The following ENTREP2 variants were observed in gnomAD, a reference collection of about 807,000 sequenced individuals.
ENTREP2 encodes the protein protein ENTREP2.
At chr15:29,303,521 TA>T in the ENTREP2 span, among the ~76,000 whole-genome samples, 6 of 152,234 alleles carry the variant, frequency 3.9e-5, no homozygotes, top group East Asian at 1.2e-3. Context: ...TTTTTAGGTT[TA>T]GGGGTACACT....
chr15:29,667,125 C>T, the ENTREP2 span, among the ~76,000 whole-genome samples: 1 of 152,134 alleles, frequency 6.6e-6, no homozygotes, highest in South Asian at 2.1e-4. Context: ...GACCCTATTT[C>T]CAAATAAAGT....
the ENTREP2 span, among the ~76,000 whole-genome samples, chr15:29,410,540 G>A: frequency 2.0e-5 from 3 of 151,976 alleles, no homozygotes; most frequent in Admixed American, 1.3e-4. Context: ...ACGATCACCC[G>A]CCGTAGCCAA....
At chr15:29,665,162 C>CTCAT in the ENTREP2 span, among the ~76,000 whole-genome samples, 1 of 152,228 alleles carries the variant, frequency 6.6e-6, no homozygotes, top group South Asian at 2.1e-4. Context: ...AGTGCCCCAT[C>CTCAT]TCATGCCCTC....
At chr15:29,660,735 G>A in the ENTREP2 span, among the ~76,000 whole-genome samples, 6 of 152,164 alleles carry the variant, frequency 3.9e-5, no homozygotes, top group Non-Finnish European at 8.8e-5. Context: ...TGTTATCATT[G>A]GCAATTAGAA....
At chr15:29,673,848 G>T in the ENTREP2 span, among the ~76,000 whole-genome samples, 5 of 152,182 alleles carry the variant, frequency 3.3e-5, no homozygotes, top group Non-Finnish European at 7.3e-5. Context: ...AGTTAGGTGA[G>T]ATCTCTTTCA....
chr15:29,267,408 T>TA, the ENTREP2 span: 1 of 152,314 alleles, frequency 6.6e-6, no homozygotes. Context: ...TGCATAAAAC[T>TA]ATTATATAGC....
the ENTREP2 span, among the ~76,000 whole-genome samples, chr15:29,542,556 G>A: frequency 2.0e-5 from 3 of 151,732 alleles, no homozygotes; most frequent in Non-Finnish European, 2.9e-5. Flanking sequence ...CGCCCACCTC[G>A]GCCTCCCAAA....
At chr15:29,151,752 G>A in the ENTREP2 span, 1 of 1,551,754 alleles carries the variant, frequency 6.4e-7, no homozygotes, top group Non-Finnish European at 8.7e-7. Context: ...GGACATCGGA[G>A]GAGACCATCT....
chr15:29,349,390 T>C, the ENTREP2 span, among the ~76,000 whole-genome samples: 1 of 152,212 alleles, frequency 6.6e-6, no homozygotes, highest in African/African-American at 2.4e-5. Flanking sequence ...CTATATTGCA[T>C]ACAAATTGGC....
the ENTREP2 span, among the ~76,000 whole-genome samples, chr15:29,356,288 ATATATATATTTTTTTTTTT>A: frequency 1.9e-5 from 1 of 52,060 alleles, no homozygotes; most frequent in Non-Finnish European, 3.6e-5. Flanking sequence ...ATATATATAT[ATATATATATTTTTTTTTTT>A]TTTTTTTTTT....
At chr15:29,608,493 C>T in the ENTREP2 span, among the ~76,000 whole-genome samples, 132 of 149,034 alleles carry the variant, frequency 8.9e-4, no homozygotes, top group Non-Finnish European at 1.6e-3. Flanking sequence ...CTCGACTGCT[C>T]CTGCCTCCTC....
chr15:29,457,133 G>A, the ENTREP2 span, among the ~76,000 whole-genome samples: 1 of 152,172 alleles, frequency 6.6e-6, no homozygotes, highest in Non-Finnish European at 1.5e-5. Context: ...TTCTCAAAAA[G>A]GAGCACGACT....
At chr15:29,456,056 G>A in the ENTREP2 span, among the ~76,000 whole-genome samples, 2 of 152,108 alleles carry the variant, frequency 1.3e-5, no homozygotes, top group African/African-American at 2.4e-5. Flanking sequence ...GAAATAAAGT[G>A]TACAATAAAC....
the ENTREP2 span, among the ~76,000 whole-genome samples, chr15:29,654,310 A>C: frequency 2.0e-5 from 3 of 152,224 alleles, no homozygotes; most frequent in African/African-American, 7.2e-5. Flanking sequence ...CTGGAAACTA[A>C]AATTTGGACC....
the ENTREP2 span, among the ~76,000 whole-genome samples, chr15:29,276,887 TGAG>T: frequency 6.6e-6 from 1 of 152,156 alleles, no homozygotes; most frequent in Non-Finnish European, 1.5e-5. Flanking sequence ...TTAAAACCAA[TGAG>T]GAGTTTTGAA....
chr15:29,402,292 T>TTGTGTGTGTGTGTGTGTGTGTGTG, the ENTREP2 span, among the ~76,000 whole-genome samples: 1 of 131,700 alleles, frequency 7.6e-6, no homozygotes, highest in Non-Finnish European at 1.6e-5. Flanking sequence ...GTATATTGTA[T>TTGTGTGTGTGTGTGTGTGTGTGTG]TGTGTGTGTG....
the ENTREP2 span, among the ~76,000 whole-genome samples, chr15:29,304,602 TG>T: frequency 5.3e-5 from 8 of 152,110 alleles, no homozygotes; most frequent in Non-Finnish European, 1.0e-4. Context: ...CCAACCAGAG[TG>T]GGCCTTTAAA....
At chr15:29,625,600 C>T in the ENTREP2 span, among the ~76,000 whole-genome samples, 3 of 151,890 alleles carry the variant, frequency 2.0e-5, no homozygotes, top group East Asian at 1.9e-4. Flanking sequence ...TTCACCATGT[C>T]GGCCAGGCTG....
chr15:29,356,321 T>C, the ENTREP2 span, among the ~76,000 whole-genome samples: 1 of 119,320 alleles, frequency 8.4e-6, no homozygotes, highest in African/African-American at 3.4e-5. Context: ...TTTTTTTTTT[T>C]TTTGAGACGG....
Sources: allele counts gnomAD v4.1 joint callset (sites outside exome capture counted in the v4.1 genomes callset), GRCh38; gene constraint gnomAD v4.1.1; transcripts MANE v1.5; gene names NCBI Gene and HGNC (gene_info 2026-07-23, HGNC 2026-07-21).